The following RPGRIP1 variants were observed in gnomAD, a reference collection of about 807,000 sequenced individuals.
RPGRIP1 encodes X-linked retinitis pigmentosa GTPase regulator-interacting protein 1.
In RPGRIP1, 128 loss-of-function variants were observed where a neutral mutation model predicts 157.9. The ratio of observed to expected loss-of-function variants is 0.81; its 90% CI spans 0.70 to 0.94. The LOEUF (loss-of-function observed/expected upper bound fraction) is 0.94, where lower values mean the gene tolerates loss of function less well. RPGRIP1 is among the 40% of genes least tolerant of loss of function. The probability of loss-of-function intolerance (pLI) is 0.00; values close to 1 mark genes in which losing one functional copy is unlikely to be tolerated. For synonymous variants in RPGRIP1, 554 were observed against 571.6 expected (o/e 0.97, Z 0.44); for missense variants, 1,486 against 1,545.8 (o/e 0.96, Z 0.65).
At position 21,301,677 on chromosome 14, in the gene RPGRIP1, AAATAAT is replaced by A. The variant is rs1232971998; in HGVS notation, c.490+482_490+487del. Among the ~76,000 whole-genome samples the A allele has an allele frequency of 1.5e-3, 189 of 127,572 alleles. 3 individuals carry two copies. The highest frequency in any genetic ancestry group is 0.012 in the Admixed American group (148 of 12,404). 83.7% of individuals were successfully genotyped at this position (127,572 alleles called of 152,430 possible). A position where few individuals can be genotyped will look rare whatever the true frequency, so the allele number is the denominator to read the frequency against. ...GGCGACAGAGCGAGACTCTGTCTCA[AAATAAT>A]AATAATAATAATAATAATAATAATA... On this transcript the variant is annotated intron_variant, in intron 4 of 24. Transcript: ENST00000400017.
chr14:21,312,466 C>G lies in RPGRIP1; in HGVS notation c.1111C>G (p.Arg371Gly). 6.2e-7 allele frequency: 1 copy of G among 1,611,342 alleles called. No individual in the cohort carries two copies. The highest frequency in any genetic ancestry group is 1.7e-4 in the Middle Eastern group (1 of 6,056). ...QERVEDLEKERKLLNDNYDKL... is the reference protein window; with the variant it reads ...QERVEDLEKEGKLLNDNYDKL... Reference sequence around the variant, plus strand: ...GAGAGTTGAAGATTTGGAAAAAGAACGAAAATTGCTGAATGACAATTATGA... The same window carrying G: ...GAGAGTTGAAGATTTGGAAAAAGAAGGAAAATTGCTGAATGACAATTATGA... The change falls in exon 10 of 25, where the codon CGA becomes GGA. Residue 371 changes from arginine to glycine, a missense_variant. By Grantham distance (125) the Arg-to-Gly change is moderately radical (BLOSUM62 -2). Transcript: ENST00000400017.
At chr14:21,321,528 A>G in intron 13 of RPGRIP1, 126 bp downstream of exon 13, 4 of 1,464,700 alleles carry the variant, frequency 2.7e-6, no homozygotes, top group Non-Finnish European at 3.6e-6. Flanking sequence ...TCCTGAGCAA[A>G]CACACAATGG....
intron 6 of RPGRIP1, among the ~76,000 whole-genome samples, chr14:21,306,720 G>A (rs1428220074): frequency 1.3e-5 from 2 of 151,572 alleles, no homozygotes; most frequent in Non-Finnish European, 2.9e-5. Context: ...GCCTTCCAAA[G>A]TGCTGGGATT....
At chr14:21,325,694 G>C in intron 16 of RPGRIP1, 137 bp from the exon 17 acceptor site, 1 of 716,566 alleles carries the variant, frequency 1.4e-6, no homozygotes, top group Non-Finnish European at 2.3e-6. Flanking sequence ...GGCAGGTGAA[G>C]ATCATTAGGT....
chr14:21,297,647 C>G (rs1485061393), intron 3 of RPGRIP1, among the ~76,000 whole-genome samples: 5 of 152,084 alleles, frequency 3.3e-5, no homozygotes, highest in African/African-American at 1.2e-4. Context: ...TTATTCATTA[C>G]AGCTAGAGAA....
Position 21,287,980 on chromosome 14 carries a change from T to A in RPGRIP1, c.4T>A (p.Ser2Thr). Residue 2 changes from serine to threonine, a missense_variant, in exon 2 of 25, where the codon TCA (serine) becomes ACA (threonine). Coordinates refer to ENST00000400017, the MANE Select transcript of RPGRIP1 (RefSeq NM_020366.4). The part of the protein sequence containing the change: M[S>T]HLVDPTSGDL... ...TTACAGCTTGGGAACAGAGATCATG[T>A]CACATCTGGTGGACCCTACATCAGG... The A allele has an allele frequency of 6.2e-7, 1 of 1,610,852 alleles. No individual in the cohort carries two copies. Among genetic ancestry groups the A allele is most frequent in the Non-Finnish European group, 8.5e-7 (1 of 1,177,370 alleles).
intron 12 of RPGRIP1, 97 bp downstream of exon 12, chr14:21,320,274 T>C (rs1176304853): frequency 2.6e-6 from 3 of 1,156,280 alleles, no homozygotes; most frequent in African/African-American, 1.6e-5. Context: ...AACTAAATAA[T>C]ATTTTGTCCT....
At chr14:21,347,869 G>C (rs1356531859) in intron 23 of RPGRIP1, among the ~76,000 whole-genome samples, 1 of 152,124 alleles carries the variant, frequency 6.6e-6, no homozygotes, top group Non-Finnish European at 1.5e-5. Context: ...GGGACTATAG[G>C]TGTGTGCCAC....
intron 2 of RPGRIP1, among the ~76,000 whole-genome samples, chr14:21,288,584 G>A (rs1233201108): frequency 2.7e-5 from 4 of 150,066 alleles, no homozygotes; most frequent in Admixed American, 2.0e-4. Flanking sequence ...GCCCAATCTT[G>A]GCTCACTGCA....
intron 22 of RPGRIP1, among the ~76,000 whole-genome samples, chr14:21,343,964 T>C (rs1306914806): frequency 7.1e-6 from 1 of 140,640 alleles, no homozygotes. Context: ...ACTCAAATGA[T>C]TCTCCTGCCT....
chr14:21,304,696 G>A lies in RPGRIP1; in HGVS notation c.800+1153G>A, dbSNP rs564759335. Reference sequence around the variant, plus strand: ...CAGCCTCCCCAACTATCAGCACCCCGTACCAGAGTGGTGCATTTGTTACAA... The same window carrying A: ...CAGCCTCCCCAACTATCAGCACCCCATACCAGAGTGGTGCATTTGTTACAA... On this transcript the variant is annotated intron_variant, in intron 6 of 24. Coordinates refer to ENST00000400017, the MANE Select transcript of RPGRIP1 (RefSeq NM_020366.4). 1.3e-3 allele frequency among the ~76,000 whole-genome samples: 203 copies of A among 152,100 alleles called. 1 individual carries two copies. Among genetic ancestry groups the A allele is most frequent in the African/African-American group, 4.7e-3 (194 of 41,508 alleles).
chr14:21,306,888 G>A, intron 6 of RPGRIP1, among the ~76,000 whole-genome samples: 1 of 150,952 alleles, frequency 6.6e-6, no homozygotes, highest in Non-Finnish European at 1.5e-5. Flanking sequence ...CAATTCTCCT[G>A]CTTCAGCCTC....
intron 11 of RPGRIP1, among the ~76,000 whole-genome samples, chr14:21,319,500 G>A (rs1484999570): frequency 6.6e-6 from 1 of 152,136 alleles, no homozygotes; most frequent in Non-Finnish European, 1.5e-5. Flanking sequence ...GGCATAGGTT[G>A]CAGGGAGCCA....
At chr14:21,336,371 C>T (rs1884366800) in intron 21 of RPGRIP1, among the ~76,000 whole-genome samples, 1 of 152,098 alleles carries the variant, frequency 6.6e-6, no homozygotes, top group Non-Finnish European at 1.5e-5. Context: ...ACTGTCTCTA[C>T]ATAAAATTTA....
intron 6 of RPGRIP1, among the ~76,000 whole-genome samples, chr14:21,304,389 GAGAAAGAAAGAA>G (rs4058350): frequency 0.048 from 5,799 of 120,894 alleles, 159 homozygotes; most frequent in African/African-American, 0.073. Flanking sequence ...GAAGGAGAGA[GAGAAAGAAAGAA>G]AGAAAGAAAG....
intron 1 of RPGRIP1, among the ~76,000 whole-genome samples, chr14:21,287,049 GAGGAAGGA>G (rs149606390): frequency 6.6e-6 from 1 of 150,452 alleles, no homozygotes; most frequent in East Asian, 1.9e-4. Flanking sequence ...GAAAGAAAGA[GAGGAAGGA>G]AGGAAGGAAG....
chr14:21,333,292 G>A (rs1176248209), intron 20 of RPGRIP1, among the ~76,000 whole-genome samples: 1 of 152,146 alleles, frequency 6.6e-6, no homozygotes, highest in Non-Finnish European at 1.5e-5. Context: ...AAAAGGGCCT[G>A]ATTTTAAGGC....
At chr14:21,331,811 G>A (rs1883821699) in intron 20 of RPGRIP1, among the ~76,000 whole-genome samples, 1 of 151,658 alleles carries the variant, frequency 6.6e-6, no homozygotes, top group Non-Finnish European at 1.5e-5. Context: ...TTTTCTATGT[G>A]CTTGAAAAAT....
chr14:21,342,349 C>T (rs55904172), intron 21 of RPGRIP1, among the ~76,000 whole-genome samples: 25,041 of 151,824 alleles, frequency 0.16, 2,551 homozygotes, highest in Middle Eastern at 0.27. Flanking sequence ...TCTAGACCAT[C>T]GTGGGCAACA....
Sources: gnomAD v4.1 joint callset for allele counts (sites outside exome capture counted in the v4.1 genomes callset) on GRCh38, gnomAD v4.1.1 for gene constraint, MANE v1.5 for transcripts, NCBI Gene and HGNC (gene_info 2026-07-23, HGNC 2026-07-21) for gene names.